TACR1: variants seen among roughly 807,000 people sequenced by gnomAD.
TACR1 encodes the protein tachykinin receptor 1.
Under a neutral mutation model 35.8 loss-of-function variants are expected in TACR1, and 25 were observed. The observed-to-expected ratio is 0.70, with a 90% CI of 0.51 to 0.98. The LOEUF is 0.98. Among genes scored for constraint, TACR1 ranks in the 50% least tolerant of loss-of-function variants. TACR1 has a pLI of 0.00. For synonymous variants in TACR1, 195 were observed against 206.7 expected (o/e 0.94, Z 0.48); for missense variants, 478 against 522.9 (o/e 0.91, Z 0.84).
intron 2 of TACR1, among the ~76,000 whole-genome samples, chr2:75,094,859 A>ATATATATATATATATATATATT: frequency 2.3e-4 from 26 of 113,096 alleles, no homozygotes; most frequent in African/African-American, 4.8e-4. Context: ...ATATATATAT[A>ATATATATATATATATATATATT]TTTTTTTTTT....
intron 1 of TACR1, among the ~76,000 whole-genome samples, chr2:75,155,479 CT>C (rs2103977755): frequency 6.6e-6 from 1 of 150,700 alleles, no homozygotes; most frequent in Admixed American, 6.6e-5. Context: ...TGCCTCACAA[CT>C]GCCCCATTCA....
At chr2:75,102,860 T>C (rs905536619) in intron 2 of TACR1, among the ~76,000 whole-genome samples, 2 of 151,928 alleles carry the variant, frequency 1.3e-5, no homozygotes, top group African/African-American at 4.8e-5. Context: ...TTCAAAATAA[T>C]GAGGCCATAG....
intron 1 of TACR1, among the ~76,000 whole-genome samples, chr2:75,121,878 A>G (rs989185215): frequency 2.1e-4 from 32 of 152,200 alleles, no homozygotes; most frequent in Non-Finnish European, 1.5e-4. Context: ...GGAGACTTCA[A>G]AAATCTGCAA....
Position 75,093,790 on chromosome 2 carries a change from G to T in TACR1, c.584+26784C>A, listed in dbSNP as rs148172053. 7.4e-3 allele frequency among the ~76,000 whole-genome samples: 1,118 copies of T among 152,088 alleles called. 12 individuals carry two copies. Among genetic ancestry groups the T allele is most frequent in the African/African-American group, 0.025 (1,051 of 41,482 alleles). ...AAGAATGCTGTTAGGCATTTTAAAC[G>T]GAAAAGTTTCATGGCTATTCCATTG... On this transcript the variant is annotated intron_variant, in intron 2 of 4. Transcript: ENST00000305249.
chr2:75,170,994 A>G (rs910464234), intron 1 of TACR1, among the ~76,000 whole-genome samples: 1 of 152,200 alleles, frequency 6.6e-6, no homozygotes, highest in Non-Finnish European at 1.5e-5. Flanking sequence ...TATGAGGAGA[A>G]ATTCAAGCCG....
At chr2:75,110,476 T>C (rs1486321593) in intron 2 of TACR1, among the ~76,000 whole-genome samples, 3 of 151,944 alleles carry the variant, frequency 2.0e-5, no homozygotes, top group Non-Finnish European at 4.4e-5. Context: ...GCAAAAACAT[T>C]GCGTATTAAA....
intron 2 of TACR1, among the ~76,000 whole-genome samples, chr2:75,063,596 C>T (rs952667249): frequency 6.6e-6 from 1 of 152,116 alleles, no homozygotes. Flanking sequence ...GACCACATAC[C>T]ACTCACTATA....
chr2:75,152,374 T>C, intron 1 of TACR1, among the ~76,000 whole-genome samples: 1 of 152,200 alleles, frequency 6.6e-6, no homozygotes, highest in East Asian at 1.9e-4. Context: ...CATGCTGTTC[T>C]CATGATAGTG....
chr2:75,189,922 C>G lies in TACR1; in HGVS notation c.389+8624G>C, dbSNP rs141069688. The stretch of plus-strand genomic sequence containing the variant: ...TTTGTTAAGCTTATAAAAATTGTGA[C>G]TAATAAAAATATGTAAGATTGATTT... On this transcript the variant is annotated intron_variant, in intron 1 of 4. Transcript: ENST00000305249. 7.2e-5 allele frequency: 11 copies of G among 152,170 alleles called. No homozygotes were observed. The East Asian group carries it at 2.1e-3, about 29-fold the overall frequency. 9.4% of individuals were successfully genotyped at this position (152,170 alleles called of 1,614,324 possible).
chr2:75,143,195 A>G lies in TACR1; in HGVS notation c.390-22427T>C, dbSNP rs146256316. On this transcript the variant is annotated intron_variant, in intron 1 of 4. Coordinates refer to ENST00000305249, the MANE Select transcript of TACR1 (RefSeq NM_001058.4). ...CTGAGGTGCAAGCGAGGACAGGGTT[A>G]GAGAAAAGGTAGAAAGCAGGCTGGA... 3.3e-3 allele frequency among the ~76,000 whole-genome samples: 496 copies of G among 152,306 alleles called. 4 individuals are homozygous for G. The highest frequency in any genetic ancestry group is 0.012 in the African/African-American group (479 of 41,576).
At chr2:75,113,722 G>A (rs1176089975) in intron 2 of TACR1, among the ~76,000 whole-genome samples, 1 of 151,718 alleles carries the variant, frequency 6.6e-6, no homozygotes, top group Non-Finnish European at 1.5e-5. Flanking sequence ...AAGTGTAGTG[G>A]GTGTCAGGGG....
intron 1 of TACR1, among the ~76,000 whole-genome samples, chr2:75,185,718 T>G (rs1368680172): frequency 2.0e-5 from 3 of 152,206 alleles, no homozygotes; most frequent in Non-Finnish European, 4.4e-5. Flanking sequence ...GATCTATATA[T>G]TCTGTTTCAC....
At chr2:75,077,637 T>C (rs2103826766) in intron 2 of TACR1, among the ~76,000 whole-genome samples, 1 of 152,314 alleles carries the variant, frequency 6.6e-6, no homozygotes, top group Middle Eastern at 3.4e-3. Flanking sequence ...CCTGTGTCCA[T>C]TTATTGAATT....
intron 1 of TACR1, among the ~76,000 whole-genome samples, 183 bp downstream of exon 1, chr2:75,198,363 G>GA (rs1054337088): frequency 3.3e-5 from 5 of 152,018 alleles, no homozygotes; most frequent in Non-Finnish European, 7.4e-5. Context: ...TAAAAAAGAG[G>GA]AAAAAAAGTT....
intron 1 of TACR1, among the ~76,000 whole-genome samples, chr2:75,143,139 A>G (rs1674442231): frequency 1.3e-5 from 2 of 152,296 alleles, no homozygotes; most frequent in East Asian, 1.9e-4. Context: ...AGCTGCCACA[A>G]TGAACCCAGG....
intron 1 of TACR1, among the ~76,000 whole-genome samples, chr2:75,127,005 G>A (rs948930024): frequency 1.3e-5 from 2 of 152,192 alleles, no homozygotes; most frequent in African/African-American, 4.8e-5. Flanking sequence ...TGCTGGTGAG[G>A]TTGTGGAGAA....
intron 1 of TACR1, among the ~76,000 whole-genome samples, chr2:75,145,882 G>A (rs908372568): frequency 6.6e-6 from 1 of 152,164 alleles, no homozygotes; most frequent in Non-Finnish European, 1.5e-5. Flanking sequence ...TTTGAATTCC[G>A]TAGGGAGATT....
rs115812241 is a variant in TACR1 at position 75,151,807 on chromosome 2, A to G, written c.390-31039T>C. ...TGTAGACACTCAACACCAGCCTGTG[A>G]AAGTAGCTGGGAGGGAGGCTGTACC... On this transcript the variant is annotated intron_variant, in intron 1 of 4. Transcript: ENST00000305249. 7.9e-3 allele frequency among the ~76,000 whole-genome samples: 1,194 copies of G among 151,512 alleles called. 18 individuals carry two copies. The highest frequency in any genetic ancestry group is 0.028 in the African/African-American group (1,145 of 40,974).
At chr2:75,158,913 C>T (rs947499691) in intron 1 of TACR1, among the ~76,000 whole-genome samples, 1 of 152,214 alleles carries the variant, frequency 6.6e-6, no homozygotes, top group Non-Finnish European at 1.5e-5. Flanking sequence ...CAACCTCGAG[C>T]ATCTGCTTCT....
Sources: allele counts gnomAD v4.1 joint callset (sites outside exome capture counted in the v4.1 genomes callset), GRCh38; gene constraint gnomAD v4.1.1; transcripts MANE v1.5; gene names NCBI Gene and HGNC (gene_info 2026-07-23, HGNC 2026-07-21).